The following FMN2 variants were observed in gnomAD, a reference collection of about 807,000 sequenced individuals.
FMN2 encodes formin-2.
In FMN2, 51 loss-of-function variants were observed where a neutral mutation model predicts 142.3. The observed-to-expected ratio is 0.36, with a 90% CI of 0.29 to 0.45. The LOEUF (loss-of-function observed/expected upper bound fraction) is 0.45, where lower values mean the gene tolerates loss of function less well. Ranked by LOEUF, FMN2 falls within the 20% of genes least tolerant of loss-of-function variation. FMN2 has a pLI of 1.00. For missense variants in FMN2, 1,936 were observed against 2,122.8 expected (o/e 0.91, Z 1.73); for synonymous variants, 882 against 869.8 (o/e 1.01, Z -0.25).
At chr1:240,385,666 C>T (rs941034220) in intron 14 of FMN2, among the ~76,000 whole-genome samples, 4 of 152,120 alleles carry the variant, frequency 2.6e-5, no homozygotes, top group Non-Finnish European at 4.4e-5. Flanking sequence ...GGGTTTAAAA[C>T]GAAGATTTGG....
intron 15 of FMN2, among the ~76,000 whole-genome samples, chr1:240,393,761 TAAG>T (rs1673685806): frequency 6.6e-6 from 1 of 152,222 alleles, no homozygotes; most frequent in African/African-American, 2.4e-5. Flanking sequence ...ACATGAATGA[TAAG>T]AAAGCAAAAC....
At chr1:240,124,512 A>G (rs910486884) in intron 2 of FMN2, among the ~76,000 whole-genome samples, 1 of 152,206 alleles carries the variant, frequency 6.6e-6, no homozygotes, top group African/African-American at 2.4e-5. Context: ...GAGTATTGCC[A>G]GTCGTTCTCA....
intron 16 of FMN2, among the ~76,000 whole-genome samples, chr1:240,471,385 G>A (rs1479115393): frequency 2.7e-5 from 4 of 147,052 alleles, no homozygotes; most frequent in East Asian, 4.0e-4. Context: ...TTTTTGAGAC[G>A]GAGTCTCGCT....
intron 8 of FMN2, among the ~76,000 whole-genome samples, chr1:240,309,862 A>G (rs1670543592): frequency 6.6e-6 from 1 of 152,132 alleles, no homozygotes. Context: ...TTTAGGAGGT[A>G]TGGTCTCATC....
At chr1:240,183,130 C>T (rs138808494) in intron 3 of FMN2, among the ~76,000 whole-genome samples, 1 of 151,450 alleles carries the variant, frequency 6.6e-6, no homozygotes, top group African/African-American at 2.4e-5. Context: ...GTAGCTCAGG[C>T]TGGTGTTGAA....
intron 16 of FMN2, among the ~76,000 whole-genome samples, chr1:240,460,519 G>A (rs1676413940): frequency 6.6e-6 from 1 of 152,092 alleles, no homozygotes; most frequent in Non-Finnish European, 1.5e-5. Flanking sequence ...TTAAACCCCA[G>A]TGAGACAAGA....
chr1:240,451,666 G>A (rs907755855), intron 16 of FMN2, among the ~76,000 whole-genome samples: 3 of 152,082 alleles, frequency 2.0e-5, no homozygotes, highest in African/African-American at 7.2e-5. Flanking sequence ...TAACTTAGGA[G>A]TCACTGGGAG....
chr1:240,202,215 A>G (rs1666152636), intron 4 of FMN2, among the ~76,000 whole-genome samples: 2 of 152,218 alleles, frequency 1.3e-5, no homozygotes, highest in African/African-American at 4.8e-5. Context: ...CAAGGTAACC[A>G]AAAGAAAATT....
intron 15 of FMN2, among the ~76,000 whole-genome samples, chr1:240,402,830 T>A (rs1558473320): frequency 6.6e-6 from 1 of 152,210 alleles, no homozygotes; most frequent in Non-Finnish European, 1.5e-5. Context: ...ATAATGAGAC[T>A]GGGAATGATA....
chr1:240,279,108 G>A (rs956481721), intron 7 of FMN2, among the ~76,000 whole-genome samples: 2 of 152,110 alleles, frequency 1.3e-5, no homozygotes, highest in East Asian at 1.9e-4. Context: ...GAAAATTCAC[G>A]GTGCCTGAGG....
chr1:240,107,170 A>G (rs752495736), intron 1 of FMN2, among the ~76,000 whole-genome samples: 6 of 152,006 alleles, frequency 3.9e-5, no homozygotes, highest in Non-Finnish European at 8.8e-5. Context: ...CCCTTACAGA[A>G]TGTCCAGTGT....
At chr1:240,311,362 G>C (rs552573617) in intron 8 of FMN2, among the ~76,000 whole-genome samples, 1 of 152,094 alleles carries the variant, frequency 6.6e-6, no homozygotes, top group East Asian at 1.9e-4. Context: ...ATTGATTCAT[G>C]TTTTAAGCAA....
At chr1:240,166,681 T>C (rs1373847257) in intron 2 of FMN2, among the ~76,000 whole-genome samples, 1 of 152,252 alleles carries the variant, frequency 6.6e-6, no homozygotes, top group Non-Finnish European at 1.5e-5. Flanking sequence ...TTATTCTTAC[T>C]GCTATTTTTG....
chr1:240,198,889 G>A (rs1008587282), intron 4 of FMN2, among the ~76,000 whole-genome samples: 8 of 152,026 alleles, frequency 5.3e-5, no homozygotes, highest in Non-Finnish European at 7.4e-5. Context: ...GGCGTATCAC[G>A]ATGTCAGGAG....
At chr1:240,303,518 A>C (rs1385223696) in intron 8 of FMN2, among the ~76,000 whole-genome samples, 3 of 152,204 alleles carry the variant, frequency 2.0e-5, no homozygotes, top group African/African-American at 7.2e-5. Context: ...GTGACAAGAA[A>C]TCTGCAGAGA....
At chr1:240,458,844 A>G (rs1326262488) in intron 16 of FMN2, 1 of 151,996 alleles carries the variant, frequency 6.6e-6, no homozygotes, top group South Asian at 2.1e-4. Context: ...TTGTTTTACT[A>G]TTTTGTTAAG....
chr1:240,361,137 ATGTG>A (rs370166767), intron 14 of FMN2, among the ~76,000 whole-genome samples: 15,961 of 120,976 alleles, frequency 0.13, 1,226 homozygotes, highest in Non-Finnish European at 0.15. Flanking sequence ...AAATAAATAT[ATGTG>A]TATATATATA....
chr1:240,100,477 A>G (rs180809944), intron 1 of FMN2, among the ~76,000 whole-genome samples: 66 of 152,330 alleles, frequency 4.3e-4, no homozygotes, highest in African/African-American at 1.5e-3. Context: ...TTTTTATCTT[A>G]AAATATATGG....
intron 8 of FMN2, among the ~76,000 whole-genome samples, chr1:240,320,473 C>T (rs1670935043): frequency 6.6e-6 from 1 of 152,156 alleles, no homozygotes; most frequent in Admixed American, 6.5e-5. Context: ...AAAATTGTAG[C>T]TTCCTCACAT....
Sources: allele counts gnomAD v4.1 joint callset (sites outside exome capture counted in the v4.1 genomes callset), GRCh38; gene constraint gnomAD v4.1.1; transcripts MANE v1.5; gene names NCBI Gene and HGNC (gene_info 2026-07-23, HGNC 2026-07-21).